PHACTR2: variants seen among roughly 807,000 people sequenced by gnomAD.
The protein encoded by PHACTR2 is phosphatase and actin regulator 2.
In PHACTR2, 30 loss-of-function variants were observed where a neutral mutation model predicts 76.0. The observed-to-expected ratio is 0.39, with a 90% CI of 0.30 to 0.54. The LOEUF is 0.54. Among genes scored for constraint, PHACTR2 ranks in the 20% least tolerant of loss-of-function variants. The pLI is 0.61. For missense variants in PHACTR2, 696 were observed against 781.1 expected, an observed-to-expected ratio of 0.89 and a Z score of 1.30; for synonymous variants, 292 against 292.5, an observed-to-expected ratio of 1.00 and a Z score of 0.02.
Position 143,722,885 on chromosome 6 carries a change from C to T in PHACTR2, c.214+10702C>T, listed in dbSNP as rs1268199313. 2.0e-5 allele frequency among the ~76,000 whole-genome samples: 3 copies of T among 152,212 alleles called. No homozygotes were observed. The highest frequency in any genetic ancestry group is 4.8e-5 in the African/African-American group (2 of 41,462). On this transcript the variant is annotated intron_variant, in intron 2 of 12. Transcript: ENST00000440869. The surrounding 1 kb of genome is among the most constrained non-coding windows in gnomAD (Gnocchi z 4.1). Reference sequence around the variant, plus strand: ...GTCTTTCTGTACCTGGCTTATTTTACTTAACATAATGTCCTTCAGTTCCAT... The same window carrying T: ...GTCTTTCTGTACCTGGCTTATTTTATTTAACATAATGTCCTTCAGTTCCAT...
chr6:143,553,227 A>G lies in PHACTR2; in HGVS notation c.217+16020A>G, dbSNP rs933646788. Among the ~76,000 whole-genome samples the G allele has an allele frequency of 6.6e-6, 1 of 152,260 alleles. No individual in the cohort carries two copies. The highest frequency in any genetic ancestry group is 2.4e-5 in the African/African-American group (1 of 41,460). ...AGTATAGTGAGGGTGTCAAAGATAA[A>G]GCTGGAAACTAAAGTGGCAAGGAGA... On this transcript the variant is annotated intron_variant, in intron 1 of 11. Coordinates refer to the PHACTR2 transcript ENST00000367584. The surrounding 1 kb of genome is among the most constrained non-coding windows in gnomAD (Gnocchi z 4.2).
At position 143,658,321 on chromosome 6, in the gene PHACTR2, A is replaced by C. The variant is rs532598570; in HGVS notation, c.13+49999A>C. Among the ~76,000 whole-genome samples, 1 of 152,336 alleles carries C rather than the reference A, an allele frequency of 6.6e-6. No homozygotes were observed. Among genetic ancestry groups the C allele is most frequent in the East Asian group, 1.9e-4 (1 of 5,188 alleles). ...AAATTCAGGTGAAACTTAAATATGA[A>C]CTTAAAACTTAACCTGAAGTTGACC... On this transcript the variant is annotated intron_variant, in intron 1 of 11. Transcript: ENST00000305766. The surrounding 1 kb of genome is among the most constrained non-coding windows in gnomAD (Gnocchi z 4.1).
At chr6:143,788,598 C>T (rs902854379) in intron 10 of PHACTR2, among the ~76,000 whole-genome samples, 175 bp from the exon 11 acceptor site, 3 of 150,224 alleles carry the variant, frequency 2.0e-5, no homozygotes, top group South Asian at 4.2e-4. Flanking sequence ...AATTAGGGCA[C>T]ATGGCTTTCT....
chr6:143,652,782 T>A lies in PHACTR2; in HGVS notation c.13+44460T>A, dbSNP rs1036337021. On this transcript the variant is annotated intron_variant, in intron 1 of 11. Transcript: ENST00000305766. This position sits in a 1 kb window ranked among gnomAD's most constrained non-coding sequence, Gnocchi z 4.5. Reference sequence around the variant, plus strand: ...CCCACCTGGAGATAAGTCTTGGCTGTCACACCTGGACCGCCTGCTCTGGTC... The same window carrying A: ...CCCACCTGGAGATAAGTCTTGGCTGACACACCTGGACCGCCTGCTCTGGTC... Among the ~76,000 whole-genome samples the A allele has an allele frequency of 9.2e-5, 14 of 152,236 alleles. No individual in the cohort carries two copies. The highest frequency in any genetic ancestry group is 3.1e-4 in the African/African-American group (13 of 41,464).
Position 143,611,421 on chromosome 6 carries a change from G to C in PHACTR2, c.13+3099G>C, listed in dbSNP as rs1381810306. Among the ~76,000 whole-genome samples, 1 of 152,202 alleles carries C rather than the reference G, an allele frequency of 6.6e-6. No individual in the cohort carries two copies. The highest frequency in any genetic ancestry group is 1.5e-5 in the Non-Finnish European group (1 of 68,036). On this transcript the variant is annotated intron_variant, in intron 1 of 11. Transcript: ENST00000305766. This position sits in a 1 kb window ranked among gnomAD's most constrained non-coding sequence, Gnocchi z 4.4. Reference sequence around the variant, plus strand: ...CTCGAGAGTTATTTGGAGCCAGACTGAGGAAGGGTTTGGAGTGGAGTAGTC... The same window carrying C: ...CTCGAGAGTTATTTGGAGCCAGACTCAGGAAGGGTTTGGAGTGGAGTAGTC...
At chr6:143,643,778 T>C (rs1776607987) in intron 1 of PHACTR2, among the ~76,000 whole-genome samples, 1 of 152,246 alleles carries the variant, frequency 6.6e-6, no homozygotes, top group Non-Finnish European at 1.5e-5. Context: ...AAATGTTTTA[T>C]GTGAAATGCA....
rs1299349300 is a variant in PHACTR2, at chr6:143,570,143, G to C, written c.217+32936G>C. 6.6e-6 allele frequency among the ~76,000 whole-genome samples: 1 copy of C among 152,132 alleles called. No homozygotes were observed. Among genetic ancestry groups the C allele is most frequent in the Non-Finnish European group, 1.5e-5 (1 of 68,028 alleles). ...GATTCTGTTTCCCTTAAGTGTGTTA[G>C]GCTCAAATCAGATTTAACCAAAGAT... On this transcript the variant is annotated intron_variant, in intron 1 of 11. Coordinates refer to the PHACTR2 transcript ENST00000367584. This position sits in a 1 kb window ranked among gnomAD's most constrained non-coding sequence, Gnocchi z 4.6.
chr6:143,691,300 T>A (rs1193246972), intron 1 of PHACTR2, among the ~76,000 whole-genome samples: 3 of 150,014 alleles, frequency 2.0e-5, no homozygotes, highest in Non-Finnish European at 4.4e-5. Context: ...AAAAAAAAAA[T>A]TCTCATTTGA....
chr6:143,635,974 G>A (rs1776444985), intron 1 of PHACTR2, among the ~76,000 whole-genome samples: 1 of 152,156 alleles, frequency 6.6e-6, no homozygotes, highest in African/African-American at 2.4e-5. Flanking sequence ...TTGAGAGGCC[G>A]AGGTGGGCAG....
chr6:143,718,836 G>A (rs1377100601), intron 2 of PHACTR2, among the ~76,000 whole-genome samples: 1 of 149,250 alleles, frequency 6.7e-6, no homozygotes, highest in Non-Finnish European at 1.5e-5. Context: ...TTTTGATTTT[G>A]CTTGTCTTAT....
Position 143,750,627 on chromosome 6 carries a change from G to A in PHACTR2, c.295+1562G>A, listed in dbSNP as rs753555827. Among the ~76,000 whole-genome samples, 3 of 152,088 alleles carry A rather than the reference G, an allele frequency of 2.0e-5. No homozygotes were observed. The South Asian group carries it at 6.2e-4, about 32-fold the overall frequency. On this transcript the variant is annotated intron_variant, in intron 3 of 12. Coordinates refer to ENST00000440869, the MANE Select transcript of PHACTR2 (RefSeq NM_001100164.2). The surrounding 1 kb of genome is among the most constrained non-coding windows in gnomAD (Gnocchi z 4.6). ...AAATTTGTAGGTAGAAAAAGAATTT[G>A]CTCTGTCTGAAAACCAAGTAGCAAT...
At chr6:143,768,144 A>T (rs777081443) in intron 6 of PHACTR2, among the ~76,000 whole-genome samples, 15 of 152,154 alleles carry the variant, frequency 9.9e-5, no homozygotes, top group Non-Finnish European at 1.9e-4. Context: ...CTAGGATTAA[A>T]TTTTAACCCA....
rs1779596027 is a variant in PHACTR2 at position 143,767,980 on chromosome 6, G to A, written c.1232+2182G>A. 6.6e-6 allele frequency among the ~76,000 whole-genome samples: 1 copy of A among 152,092 alleles called. No individual in the cohort carries two copies. The highest frequency in any genetic ancestry group is 2.4e-5 in the African/African-American group (1 of 41,408). ...AGCCTCCCCAGTAACTGGAACTACG[G>A]GTGCCTGCCACCACGCCTGGCTAAT... On this transcript the variant is annotated intron_variant, in intron 6 of 12. Coordinates refer to ENST00000440869, the MANE Select transcript of PHACTR2 (RefSeq NM_001100164.2). The surrounding 1 kb of genome is among the most constrained non-coding windows in gnomAD (Gnocchi z 4.4).
Position 143,619,954 on chromosome 6 carries a change from G to A in PHACTR2, c.13+11632G>A, listed in dbSNP as rs1199749797. Among the ~76,000 whole-genome samples the A allele has an allele frequency of 3.2e-5, 3 of 93,162 alleles. No individual in the cohort carries two copies. The highest frequency in any genetic ancestry group is 5.6e-4 in the South Asian group (2 of 3,542). 61.1% of individuals were successfully genotyped at this position (93,162 alleles called of 152,430 possible). A position where few individuals can be genotyped will look rare whatever the true frequency, so the allele number is the denominator to read the frequency against. ...TACTTACAGAACATGTCACTCGGTC[G>A]GGGGTGGGGGGTCAGTTCATTTGTT... On this transcript the variant is annotated intron_variant, in intron 1 of 11. Transcript: ENST00000305766. This position sits in a 1 kb window ranked among gnomAD's most constrained non-coding sequence, Gnocchi z 4.5.
Position 143,671,476 on chromosome 6 carries a change from A to G in PHACTR2, c.14-40540A>G, listed in dbSNP as rs1283162369. Among the ~76,000 whole-genome samples, 1 of 152,204 alleles carries G rather than the reference A, an allele frequency of 6.6e-6. No individual in the cohort carries two copies. Among genetic ancestry groups the G allele is most frequent in the Non-Finnish European group, 1.5e-5 (1 of 68,034 alleles). On this transcript the variant is annotated intron_variant, in intron 1 of 11. Transcript: ENST00000305766. The surrounding 1 kb of genome is among the most constrained non-coding windows in gnomAD (Gnocchi z 4.6). ...AAACATTATCTTCTCAGTGAGGACA[A>G]CTGTGAACACCACATGCCAGTCCAA...
Position 143,739,318 on chromosome 6 carries a change from A to T in PHACTR2, c.215-9667A>T, listed in dbSNP as rs952318300. Among the ~76,000 whole-genome samples, 23 of 152,186 alleles carry T rather than the reference A, an allele frequency of 1.5e-4. No individual in the cohort carries two copies. The highest frequency in any genetic ancestry group is 5.5e-4 in the African/African-American group (23 of 41,452). ...GACCTCATGATCCACCAGCCTCGGC[A>T]TCCCAAAGTGCTGGGATTACAGGTG... On this transcript the variant is annotated intron_variant, in intron 2 of 12. Transcript: ENST00000440869. This position sits in a 1 kb window ranked among gnomAD's most constrained non-coding sequence, Gnocchi z 4.3.
chr6:143,659,077 A>T lies in PHACTR2; in HGVS notation c.13+50755A>T, dbSNP rs1443593172. ...ACACTTCTATAGGACACTTACCATG[A>T]ATGGAGCTTGCAGGACTGGAGGTTG... is the stretch of plus-strand genomic sequence containing the variant. On this transcript the variant is annotated intron_variant, in intron 1 of 11. Coordinates refer to the PHACTR2 transcript ENST00000305766. The surrounding 1 kb of genome is among the most constrained non-coding windows in gnomAD (Gnocchi z 5.0). 6.6e-6 allele frequency among the ~76,000 whole-genome samples: 1 copy of T among 152,010 alleles called. No homozygotes were observed. The highest frequency in any genetic ancestry group is 1.5e-5 in the Non-Finnish European group (1 of 68,002).
chr6:143,678,091 G>A lies in PHACTR2; in HGVS notation c.-73G>A. On this transcript the variant is annotated 5_prime_UTR_variant, in exon 1 of 13. Coordinates refer to ENST00000440869, the MANE Select transcript of PHACTR2 (RefSeq NM_001100164.2). The surrounding 1 kb of genome is among the most constrained non-coding windows in gnomAD (Gnocchi z 6.2). ...CGGGACATGAACGCCTGGAAGTCTG[G>A]CTGGGAGCGGACCCATGATCGAAGG... The A allele has an allele frequency of 1.9e-6, 3 of 1,544,516 alleles. No individual in the cohort carries two copies. Among genetic ancestry groups the A allele is most frequent in the Non-Finnish European group, 2.6e-6 (3 of 1,144,272 alleles).
chr6:143,787,321 T>C lies in PHACTR2; in HGVS notation c.1708-1452T>C, dbSNP rs938992286. On this transcript the variant is annotated intron_variant, in intron 10 of 12. Coordinates refer to ENST00000440869, the MANE Select transcript of PHACTR2 (RefSeq NM_001100164.2). The surrounding 1 kb of genome is among the most constrained non-coding windows in gnomAD (Gnocchi z 4.6). ...TAGGAGCAAGGGCTTCTCTACCTCC[T>C]TATTTCCACCTGCCCCAAAGTGGCA... Among the ~76,000 whole-genome samples the C allele has an allele frequency of 6.6e-6, 1 of 152,226 alleles. No individual in the cohort carries two copies. Among genetic ancestry groups the C allele is most frequent in the Non-Finnish European group, 1.5e-5 (1 of 68,042 alleles).
Sources: gnomAD v4.1 joint callset for allele counts (sites outside exome capture counted in the v4.1 genomes callset) on GRCh38, gnomAD v4.1.1 for gene constraint, Gnocchi (gnomAD v3.1) non-coding constraint, MANE v1.5 for transcripts, NCBI Gene and HGNC (gene_info 2026-07-23, HGNC 2026-07-21) for gene names.